CACNA2D1: variants seen among roughly 807,000 people sequenced by gnomAD.
The protein encoded by CACNA2D1 is voltage-dependent calcium channel subunit alpha-2/delta-1.
CACNA2D1 carries 53 observed loss-of-function variants against 171.5 expected under a neutral mutation model. The ratio of observed to expected loss-of-function variants is 0.31; its 90% CI spans 0.25 to 0.39. The LOEUF (loss-of-function observed/expected upper bound fraction) is 0.39. Among genes scored for constraint, CACNA2D1 ranks in the 10% least tolerant of loss-of-function variants. The pLI is 1.00. For missense variants in CACNA2D1, 903 were observed against 1,299.8 expected, an observed-to-expected ratio of 0.69 and a Z score of 4.69; for synonymous variants, 442 against 443.1, an observed-to-expected ratio of 1.00 and a Z score of 0.03.
chr7:82,140,475 T>C (rs534832565), intron 4 of CACNA2D1, among the ~76,000 whole-genome samples: 2 of 152,180 alleles, frequency 1.3e-5, no homozygotes, highest in African/African-American at 4.8e-5. Context: ...CTTGATCAAT[T>C]TTAATAAGAA....
chr7:82,036,178 CA>C (rs1803267447), intron 11 of CACNA2D1, among the ~76,000 whole-genome samples: 1 of 152,144 alleles, frequency 6.6e-6, no homozygotes, highest in African/African-American at 2.4e-5. Flanking sequence ...AATCAGTTCC[CA>C]TGCCATGCTC....
At chr7:82,298,782 G>T (rs1450889093) in intron 3 of CACNA2D1, among the ~76,000 whole-genome samples, 1 of 152,048 alleles carries the variant, frequency 6.6e-6, no homozygotes, top group Non-Finnish European at 1.5e-5. Context: ...GTAAAAATAG[G>T]CCGGGCACAG....
intron 1 of CACNA2D1, among the ~76,000 whole-genome samples, chr7:82,384,615 A>C (rs1824117078): frequency 6.6e-6 from 1 of 150,932 alleles, no homozygotes; most frequent in Non-Finnish European, 1.5e-5. Context: ...GAAGAAGAAG[A>C]GGGAGGAAAA....
chr7:82,225,659 G>A (rs780338686), intron 3 of CACNA2D1, among the ~76,000 whole-genome samples: 2 of 152,080 alleles, frequency 1.3e-5, no homozygotes, highest in Non-Finnish European at 2.9e-5. Context: ...TAAAACATAA[G>A]ACCAAGACTT....
chr7:82,386,763 T>TAAATAAAGAAAG (rs1554536073), intron 1 of CACNA2D1, among the ~76,000 whole-genome samples: 1 of 149,724 alleles, frequency 6.7e-6, no homozygotes, highest in Admixed American at 6.7e-5. Context: ...AATAAATAAA[T>TAAATAAAGAAAG]AAATAAATAA....
In CACNA2D1 at chr7:82,141,374, T is replaced by TAA. The variant is rs200737493; in HGVS notation, c.355-4700_355-4699dup. ...TAATAGAAAATTAGGGGAGGAAATT[T>TAA]AAAAAAAAAAATGAAGTTAAATGCC... On this transcript the variant is annotated intron_variant, in intron 4 of 38. Coordinates refer to ENST00000356860, the MANE Select transcript of CACNA2D1 (RefSeq NM_000722.4). 3.0e-4 allele frequency among the ~76,000 whole-genome samples: 44 copies of TAA among 149,020 alleles called. No homozygotes were observed. In the South Asian group the frequency reaches 3.4e-3, roughly 12 times the overall value.
intron 2 of CACNA2D1, among the ~76,000 whole-genome samples, chr7:82,341,166 G>C (rs17156160): frequency 0.13 from 19,800 of 152,038 alleles, 1,909 homozygotes; most frequent in African/African-American, 0.27. Context: ...TGTATTAACA[G>C]AAAAGAATGA....
intron 3 of CACNA2D1, among the ~76,000 whole-genome samples, chr7:82,315,613 A>T (rs902389384): frequency 2.0e-5 from 3 of 152,174 alleles, no homozygotes; most frequent in Admixed American, 6.5e-5. Flanking sequence ...AAGGTATGCC[A>T]GAAAAAAAAT....
chr7:81,967,489 T>C (rs1794832965), intron 30 of CACNA2D1, 107 bp downstream of exon 30: 2 of 681,840 alleles, frequency 2.9e-6, no homozygotes, highest in Non-Finnish European at 5.2e-6. Flanking sequence ...TACTTCAGTG[T>C]AGTGGTATTG....
chr7:82,410,923 AG>A (rs1827577705), intron 1 of CACNA2D1, among the ~76,000 whole-genome samples: 2 of 152,336 alleles, frequency 1.3e-5, no homozygotes, highest in South Asian at 4.1e-4. Context: ...TCTCTCTCAT[AG>A]GATTACATTC....
chr7:82,328,703 A>G (rs1816934924), intron 3 of CACNA2D1, among the ~76,000 whole-genome samples: 1 of 152,108 alleles, frequency 6.6e-6, no homozygotes, highest in African/African-American at 2.4e-5. Context: ...TCCAGTCTCA[A>G]AAATAGACAA....
intron 1 of CACNA2D1, among the ~76,000 whole-genome samples, chr7:82,367,449 T>A (rs1821867488): frequency 6.6e-6 from 1 of 152,102 alleles, no homozygotes; most frequent in Non-Finnish European, 1.5e-5. Flanking sequence ...ACAGAGGAAT[T>A]CTCAACCATA....
At chr7:82,385,488 G>A (rs1279001287) in intron 1 of CACNA2D1, among the ~76,000 whole-genome samples, 1 of 152,138 alleles carries the variant, frequency 6.6e-6, no homozygotes, top group Non-Finnish European at 1.5e-5. Context: ...TACAATATGG[G>A]TTAAATTAGC....
chr7:82,150,056 G>T (rs1396405894), intron 4 of CACNA2D1, among the ~76,000 whole-genome samples: 1 of 151,898 alleles, frequency 6.6e-6, no homozygotes, highest in African/African-American at 2.4e-5. Flanking sequence ...CTATAGGCAT[G>T]CAGTGAGTGT....
At chr7:82,384,601 T>TGAA (rs71093378) in intron 1 of CACNA2D1, among the ~76,000 whole-genome samples, 1 of 150,350 alleles carries the variant, frequency 6.7e-6, no homozygotes, top group Admixed American at 6.6e-5. Context: ...AAAGGAGAAG[T>TGAA]GAAGAAGAAG....
intron 22 of CACNA2D1, among the ~76,000 whole-genome samples, chr7:81,984,052 A>T (rs1257207077): frequency 6.6e-6 from 1 of 152,174 alleles, no homozygotes. Context: ...CTACATTCCA[A>T]ATGAGGCTTA....
intron 3 of CACNA2D1, among the ~76,000 whole-genome samples, chr7:82,301,107 C>CT (rs1368372790): frequency 1.3e-5 from 2 of 152,200 alleles, no homozygotes; most frequent in Non-Finnish European, 2.9e-5. Flanking sequence ...GGTTTGCTAT[C>CT]TTTTTTTAAT....
chr7:82,223,853 G>T (rs957681510), intron 3 of CACNA2D1, among the ~76,000 whole-genome samples: 2 of 152,098 alleles, frequency 1.3e-5, no homozygotes, highest in Non-Finnish European at 2.9e-5. Flanking sequence ...CCATCCAATG[G>T]CTTCCCTTGG....
chr7:82,062,659 T>C (rs1445449947), intron 9 of CACNA2D1, among the ~76,000 whole-genome samples: 1 of 151,428 alleles, frequency 6.6e-6, no homozygotes, highest in Non-Finnish European at 1.5e-5. Flanking sequence ...GCAGGTTTGT[T>C]ACATACGTAT....
Sources: allele counts gnomAD v4.1 joint callset (sites outside exome capture counted in the v4.1 genomes callset), GRCh38; gene constraint gnomAD v4.1.1; transcripts MANE v1.5; gene names NCBI Gene and HGNC (gene_info 2026-07-23, HGNC 2026-07-21).